GSE1: variants seen among roughly 807,000 people sequenced by gnomAD.
The protein encoded by GSE1 is Gse1 coiled-coil protein.
Under a neutral mutation model 112.6 loss-of-function variants are expected in GSE1, and 32 were observed. That is an observed-to-expected ratio of 0.28 (90% confidence interval 0.21 to 0.38). The LOEUF (loss-of-function observed/expected upper bound fraction) is 0.38, where lower values mean the gene tolerates loss of function less well. Among genes scored for constraint, GSE1 ranks in the 10% least tolerant of loss-of-function variants. The pLI, the probability that GSE1 is intolerant of heterozygous loss-of-function variation, is 1.00. For synonymous variants in GSE1, 1,115 were observed against 735.6 expected (o/e 1.52, Z -8.35); for missense variants, 2,348 against 1,699.2 (o/e 1.38, Z -6.71).
At chr16:85,367,359 T>C (rs1178487766) in intron 2 of GSE1, among the ~76,000 whole-genome samples, 2 of 152,200 alleles carry the variant, frequency 1.3e-5, no homozygotes, top group African/African-American at 4.8e-5. Context: ...CAAGTGTTGA[T>C]TGAACACCAC....
At chr16:85,652,903 G>A (rs1057346257) in intron 3 of GSE1, among the ~76,000 whole-genome samples, 2 of 151,964 alleles carry the variant, frequency 1.3e-5, no homozygotes, top group Non-Finnish European at 2.9e-5. Context: ...GTGCTCTTCA[G>A]GAGCACTGCC....
intron 1 of GSE1, among the ~76,000 whole-genome samples, chr16:85,182,485 C>T (rs906233921): frequency 2.0e-5 from 3 of 152,216 alleles, no homozygotes; most frequent in Non-Finnish European, 2.9e-5. Flanking sequence ...CATGCCTCAA[C>T]CTCTTTCTCT....
chr16:85,403,659 G>A lies in GSE1; in HGVS notation c.2464+46016G>A, dbSNP rs576609932. 5.9e-5 allele frequency among the ~76,000 whole-genome samples: 9 copies of A among 152,132 alleles called. No homozygotes were observed. The South Asian group carries it at 6.3e-4, about 11-fold the overall frequency. Reference sequence around the variant, plus strand: ...AAAAAACAAAATAACAAAATTAGCCGGGTATGGTAGCACATGCCTGTGGTC... The same window carrying A: ...AAAAAACAAAATAACAAAATTAGCCAGGTATGGTAGCACATGCCTGTGGTC... On this transcript the variant is annotated intron_variant, in intron 2 of 2. Transcript: ENST00000637419.
At position 85,672,547 on chromosome 16, in the gene GSE1, C is replaced by G. The variant is rs778459562; in HGVS notation, c.*8C>G. On this transcript the variant is annotated 3_prime_UTR_variant, in exon 16 of 16. Transcript: ENST00000253458. ...AAGGGATATCCCAGGTGACGGTTTC[C>G]CTTGCACTAGGCCGAACCTATAGTA... is the stretch of plus-strand genomic sequence containing the variant. 4 of 1,594,948 alleles carry G rather than the reference C, an allele frequency of 2.5e-6. No individual in the cohort carries two copies. In the East Asian group the frequency reaches 6.8e-5, roughly 27 times the overall value.
At chr16:85,347,157 C>A (rs992590337) in intron 1 of GSE1, among the ~76,000 whole-genome samples, 8 of 152,074 alleles carry the variant, frequency 5.3e-5, no homozygotes, top group African/African-American at 1.7e-4. Context: ...GAGGCTCTCA[C>A]CCTTGGAGGC....
At chr16:85,644,561 C>A (rs1257309706) in intron 2 of GSE1, among the ~76,000 whole-genome samples, 1 of 152,062 alleles carries the variant, frequency 6.6e-6, no homozygotes, top group Non-Finnish European at 1.5e-5. Context: ...AGGAGCCAGG[C>A]GAGAAGGGCC....
rs144207375 is a variant in GSE1 at position 85,419,165 on chromosome 16, G to C, written c.2464+61522G>C. 6.6e-6 allele frequency among the ~76,000 whole-genome samples: 1 copy of C among 152,278 alleles called. No homozygotes were observed. Among genetic ancestry groups the C allele is most frequent in the Non-Finnish European group, 1.5e-5 (1 of 68,020 alleles). The stretch of plus-strand genomic sequence containing the variant: ...GTGACGTGATGGGAGCCCAGGCACC[G>C]AGCCTGGGGATTCTGACAGTCAGAG... On this transcript the variant is annotated intron_variant, in intron 2 of 2. Coordinates refer to the GSE1 transcript ENST00000637419. This position sits in a 1 kb window ranked among gnomAD's most constrained non-coding sequence, Gnocchi z 6.5.
intron 1 of GSE1, among the ~76,000 whole-genome samples, chr16:85,228,370 A>G (rs1359919816): frequency 6.6e-6 from 1 of 152,140 alleles, no homozygotes; most frequent in African/African-American, 2.4e-5. Flanking sequence ...ACAGGATTAG[A>G]TAGGAGGGAG....
chr16:85,415,104 T>C (rs67958318), intron 2 of GSE1, among the ~76,000 whole-genome samples: 21,839 of 152,114 alleles, frequency 0.14, 1,652 homozygotes, highest in Middle Eastern at 0.24. Context: ...ACCACCATGC[T>C]AATTTTTGTA....
intron 2 of GSE1, among the ~76,000 whole-genome samples, chr16:85,508,897 C>T (rs542705864): frequency 6.6e-6 from 1 of 152,322 alleles, no homozygotes; most frequent in South Asian, 2.1e-4. Flanking sequence ...GGTCTTTCCC[C>T]CTCAGCGTAT....
rs1160030162 is a variant in GSE1 at position 85,419,365 on chromosome 16, C to T, written c.2464+61722C>T. ...TGGTGGCTCGTGCCTATAATCCCAG[C>T]ACTTTGGGAGGCTGAGATGGGAGGA... is the stretch of plus-strand genomic sequence containing the variant. On this transcript the variant is annotated intron_variant, in intron 2 of 2. Transcript: ENST00000637419. This position sits in a 1 kb window ranked among gnomAD's most constrained non-coding sequence, Gnocchi z 6.5. Among the ~76,000 whole-genome samples, 4 of 152,098 alleles carry T rather than the reference C, an allele frequency of 2.6e-5. No homozygotes were observed. The highest frequency in any genetic ancestry group is 6.5e-5 in the Admixed American group (1 of 15,272).
At chr16:85,360,250 G>A (rs545838859) in intron 2 of GSE1, among the ~76,000 whole-genome samples, 3 of 152,178 alleles carry the variant, frequency 2.0e-5, no homozygotes, top group African/African-American at 7.2e-5. Context: ...GGTACGTTGG[G>A]GGCGGGGGCC....
intron 2 of GSE1, among the ~76,000 whole-genome samples, chr16:85,469,539 C>T (rs1448067605): frequency 6.6e-6 from 1 of 152,162 alleles, no homozygotes; most frequent in Non-Finnish European, 1.5e-5. Context: ...TTTGTTAAGG[C>T]AATACTAGGA....
At chr16:85,449,259 G>GC (rs1224193401) in intron 2 of GSE1, among the ~76,000 whole-genome samples, 1 of 152,246 alleles carries the variant, frequency 6.6e-6, no homozygotes, top group East Asian at 1.9e-4. Context: ...CCACATCTGA[G>GC]CCATTCAAGA....
rs945583574 is a variant in GSE1 at position 85,513,782 on chromosome 16, C to A, written c.2465-120132C>A. The stretch of plus-strand genomic sequence containing the variant: ...AGAAAGGGCTGCTCTTGGAGCCCCC[C>A]ACCCCCGGTGCACACTGCAGACCGG... On this transcript the variant is annotated intron_variant, in intron 2 of 2. Coordinates refer to the GSE1 transcript ENST00000637419. Among the ~76,000 whole-genome samples, 11 of 152,168 alleles carry A rather than the reference C, an allele frequency of 7.2e-5. No homozygotes were observed. In the East Asian group the frequency reaches 9.7e-4, roughly 13 times the overall value.
chr16:85,172,428 C>T (rs986335086), intron 1 of GSE1, among the ~76,000 whole-genome samples: 2 of 152,246 alleles, frequency 1.3e-5, no homozygotes, highest in Non-Finnish European at 2.9e-5. Flanking sequence ...AGTCTTTCCT[C>T]TCTGCAAGTC....
At chr16:85,272,755 CTTGCTTGT>C (rs2144193230) in intron 1 of GSE1, among the ~76,000 whole-genome samples, 1 of 150,148 alleles carries the variant, frequency 6.7e-6, no homozygotes, top group African/African-American at 2.5e-5. Flanking sequence ...TGCTTGCTTG[CTTGCTTGT>C]TTTCTTCTCT....
chr16:85,449,767 G>T (rs994197706), intron 2 of GSE1, among the ~76,000 whole-genome samples: 3 of 152,170 alleles, frequency 2.0e-5, no homozygotes, highest in Non-Finnish European at 4.4e-5. Flanking sequence ...TGGAGAGATC[G>T]CTTGACTTCT....
chr16:85,667,444 C>T (rs1464778142), intron 13 of GSE1, among the ~76,000 whole-genome samples: 3 of 152,234 alleles, frequency 2.0e-5, no homozygotes, highest in Non-Finnish European at 4.4e-5. Context: ...TGAAACGGGG[C>T]ACAATGAGGC....
Sources: allele counts gnomAD v4.1 joint callset (sites outside exome capture counted in the v4.1 genomes callset), GRCh38; gene constraint gnomAD v4.1.1; non-coding constraint Gnocchi (gnomAD v3.1); transcripts MANE v1.5; gene names NCBI Gene and HGNC (gene_info 2026-07-23, HGNC 2026-07-21).